Variants in RUNX2 observed in about 807,000 individuals in gnomAD.
RUNX2 encodes RUNX family transcription factor 2, also known as runt-related transcription factor 2.
RUNX2 carries 10 observed loss-of-function variants against 51.7 expected under a neutral mutation model. The observed-to-expected ratio is 0.19, with a 90% CI of 0.12 to 0.33. The LOEUF (loss-of-function observed/expected upper bound fraction) is 0.33. Ranked by LOEUF, RUNX2 falls within the 10% of genes least tolerant of loss-of-function variation. The pLI is 1.00. For synonymous variants in RUNX2, 276 were observed against 273.6 expected (o/e 1.01, Z -0.09); for missense variants, 562 against 691.3 (o/e 0.81, Z 2.10).
At chr6:45,489,194 CA>C (rs1467800649) in intron 5 of RUNX2, among the ~76,000 whole-genome samples, 2 of 152,134 alleles carry the variant, frequency 1.3e-5, no homozygotes, top group Non-Finnish European at 2.9e-5. Flanking sequence ...TGTGCATCTG[CA>C]GATAAATGTT....
chr6:45,342,275 T>C (rs1245802969), intron 2 of RUNX2, among the ~76,000 whole-genome samples: 1 of 152,170 alleles, frequency 6.6e-6, no homozygotes, highest in East Asian at 1.9e-4. Flanking sequence ...TCTCAATTTT[T>C]TTTTTGAGAC....
At chr6:45,336,981 T>C (rs1264475121) in intron 2 of RUNX2, among the ~76,000 whole-genome samples, 1 of 151,670 alleles carries the variant, frequency 6.6e-6, no homozygotes, top group African/African-American at 2.4e-5. Context: ...GTGAAAACAG[T>C]GTGATCTGAA....
intron 2 of RUNX2, among the ~76,000 whole-genome samples, chr6:45,366,803 A>G (rs1432160872): frequency 6.6e-6 from 1 of 152,172 alleles, no homozygotes; most frequent in Non-Finnish European, 1.5e-5. Flanking sequence ...GTAAGAAGTC[A>G]AGTAAATTCT....
At chr6:45,410,360 T>C (rs1324082383) in intron 2 of RUNX2, among the ~76,000 whole-genome samples, 1 of 152,124 alleles carries the variant, frequency 6.6e-6, no homozygotes, top group East Asian at 1.9e-4. Flanking sequence ...AAAATAGATA[T>C]GAATAATATT....
chr6:45,369,439 T>C (rs547058151), intron 2 of RUNX2, among the ~76,000 whole-genome samples: 4 of 152,326 alleles, frequency 2.6e-5, no homozygotes, highest in African/African-American at 9.6e-5. Flanking sequence ...CTTTAGTGCA[T>C]ACTAATTATT....
In RUNX2 at chr6:45,406,943, A is replaced by G. The variant is rs138996045; in HGVS notation, c.59-15650A>G. Among the ~76,000 whole-genome samples, 1,290 of 152,312 alleles carry G rather than the reference A, an allele frequency of 8.5e-3. 17 individuals are homozygous for G. Among genetic ancestry groups the G allele is most frequent in the African/African-American group, 0.03 (1,229 of 41,548 alleles). On this transcript the variant is annotated intron_variant, in intron 2 of 8. Transcript: ENST00000647337. ...TTATTAAATACTGAGTAGTATCAAA[A>G]TATAATATTGTTGGGTATAAAAAAT...
chr6:45,356,859 T>C (rs1793285661), intron 2 of RUNX2, among the ~76,000 whole-genome samples: 1 of 152,202 alleles, frequency 6.6e-6, no homozygotes, highest in South Asian at 2.1e-4. Flanking sequence ...ATTAAGAATT[T>C]ACTACTCTTT....
At chr6:45,498,575 A>G (rs943721229) in intron 6 of RUNX2, among the ~76,000 whole-genome samples, 1 of 152,258 alleles carries the variant, frequency 6.6e-6, no homozygotes, top group African/African-American at 2.4e-5. Flanking sequence ...TTAAATGATT[A>G]AATTCCAGTT....
intron 3 of RUNX2, among the ~76,000 whole-genome samples, chr6:45,428,656 C>G (rs1308408920): frequency 6.6e-6 from 1 of 152,064 alleles, no homozygotes; most frequent in African/African-American, 2.4e-5. Flanking sequence ...CATTATTATA[C>G]TGCTTAAGCA....
chr6:45,352,762 C>T (rs1246739264), intron 2 of RUNX2, among the ~76,000 whole-genome samples: 2 of 150,482 alleles, frequency 1.3e-5, no homozygotes, highest in African/African-American at 4.9e-5. Flanking sequence ...CATGTATTTA[C>T]AAAATAAAGA....
In RUNX2 at chr6:45,475,420, A is replaced by G. The variant is rs187388137; in HGVS notation, c.686-16521A>G. ...TGATGACTTTTAGGAGACTAACACT[A>G]TATGTCTTTCACTGTCTTATCCCTG... On this transcript the variant is annotated intron_variant, in intron 5 of 8. Coordinates refer to ENST00000647337, the MANE Select transcript of RUNX2 (RefSeq NM_001024630.4). Among the ~76,000 whole-genome samples the G allele has an allele frequency of 3.3e-5, 5 of 152,302 alleles. No individual in the cohort carries two copies. In the East Asian group the frequency reaches 9.7e-4, roughly 29 times the overall value.
At chr6:45,351,455 T>C (rs922812273) in intron 2 of RUNX2, among the ~76,000 whole-genome samples, 13 of 152,172 alleles carry the variant, frequency 8.5e-5, no homozygotes, top group Admixed American at 2.0e-4. Flanking sequence ...CACTGTAACA[T>C]AGTAAAATGA....
intron 5 of RUNX2, among the ~76,000 whole-genome samples, chr6:45,440,652 A>AT (rs11350974): frequency 0.56 from 84,099 of 150,322 alleles, 25,380 homozygotes; most frequent in East Asian, 0.78. Context: ...TCGGATTTCA[A>AT]TTTTTTTTTT....
intron 2 of RUNX2, among the ~76,000 whole-genome samples, chr6:45,364,303 A>G (rs1794768696): frequency 6.6e-6 from 1 of 152,194 alleles, no homozygotes; most frequent in African/African-American, 2.4e-5. Context: ...CAATTATAAG[A>G]CATCTGCTCA....
chr6:45,504,829 ACCCC>A (rs1314302626), intron 6 of RUNX2, among the ~76,000 whole-genome samples: 1 of 152,032 alleles, frequency 6.6e-6, no homozygotes, highest in Non-Finnish European at 1.5e-5. Flanking sequence ...CATTTTTGAC[ACCCC>A]AGTTTTCTCA....
At chr6:45,508,306 G>A (rs922068139) in intron 6 of RUNX2, among the ~76,000 whole-genome samples, 3 of 127,306 alleles carry the variant, frequency 2.4e-5, no homozygotes, top group African/African-American at 5.9e-5. Flanking sequence ...TCGGCTCACC[G>A]CAACCTCCGC....
chr6:45,427,929 C>G (rs752536944), intron 3 of RUNX2, among the ~76,000 whole-genome samples: 2 of 152,080 alleles, frequency 1.3e-5, no homozygotes, highest in African/African-American at 4.8e-5. Flanking sequence ...GATTTAAATG[C>G]TAGTTATGGT....
At chr6:45,542,258 G>A (rs904978792) in intron 7 of RUNX2, among the ~76,000 whole-genome samples, 2 of 152,148 alleles carry the variant, frequency 1.3e-5, no homozygotes, top group Admixed American at 6.5e-5. Flanking sequence ...CTTGGGAGGA[G>A]GGGCAAGATG....
intron 2 of RUNX2, among the ~76,000 whole-genome samples, chr6:45,367,478 C>T (rs1310614223): frequency 6.6e-6 from 1 of 151,782 alleles, no homozygotes; most frequent in Admixed American, 6.6e-5. Context: ...AATCACAAGT[C>T]CAAGACTGGG....
Sources: allele counts gnomAD v4.1 joint callset (sites outside exome capture counted in the v4.1 genomes callset), GRCh38; gene constraint gnomAD v4.1.1; transcripts MANE v1.5; gene names NCBI Gene and HGNC (gene_info 2026-07-23, HGNC 2026-07-21).